The following FNDC3B variants were observed in gnomAD, a reference collection of about 807,000 sequenced individuals.
FNDC3B encodes the protein fibronectin type III domain-containing protein 3B.
FNDC3B carries 12 observed loss-of-function variants against 151.5 expected under a neutral mutation model. The observed-to-expected ratio is 0.08, with a 90% CI of 0.05 to 0.13. The LOEUF (loss-of-function observed/expected upper bound fraction) is 0.13, where lower values mean the gene tolerates loss of function less well. Ranked by LOEUF, FNDC3B falls within the 10% of genes least tolerant of loss-of-function variation. The pLI is 1.00. For missense variants in FNDC3B, 1,214 were observed against 1,505.3 expected, an observed-to-expected ratio of 0.81 and a Z score of 3.20; for synonymous variants, 528 against 549.0, an observed-to-expected ratio of 0.96 and a Z score of 0.54.
chr3:172,068,846 T>C (rs1717635135), intron 1 of FNDC3B, among the ~76,000 whole-genome samples: 1 of 152,228 alleles, frequency 6.6e-6, no homozygotes, highest in Non-Finnish European at 1.5e-5. Flanking sequence ...CATTTCTTCA[T>C]TTAATCCTCA....
At chr3:172,240,162 C>T (rs996225555) in intron 4 of FNDC3B, among the ~76,000 whole-genome samples, 14 of 152,232 alleles carry the variant, frequency 9.2e-5, no homozygotes, top group Middle Eastern at 3.4e-3. Flanking sequence ...TGAGCCACCG[C>T]GCTCAGCCCC....
intron 2 of FNDC3B, among the ~76,000 whole-genome samples, chr3:172,113,178 GA>G (rs1720064666): frequency 6.6e-6 from 1 of 152,148 alleles, no homozygotes; most frequent in African/African-American, 2.4e-5. Context: ...AATTATTAGG[GA>G]TTGAACTATT....
chr3:172,212,381 T>G (rs1005752130), intron 3 of FNDC3B, among the ~76,000 whole-genome samples: 3 of 152,196 alleles, frequency 2.0e-5, no homozygotes, highest in African/African-American at 7.2e-5. Context: ...TTCTATTTAT[T>G]TTTTACCGCG....
rs78811954 is a variant in FNDC3B, at chr3:172,097,140, T to A, written c.-28-15312T>A. Among the ~76,000 whole-genome samples, 949 of 152,280 alleles carry A rather than the reference T, an allele frequency of 6.2e-3. 7 individuals carry two copies. The highest frequency in any genetic ancestry group is 0.022 in the African/African-American group (897 of 41,552). Reference sequence around the variant, plus strand: ...ACAGCGAGTTCTCCACCCAGAAAGTTTGATTTATTTTGGCAGTTGGAAGAG... The same window carrying A: ...ACAGCGAGTTCTCCACCCAGAAAGTATGATTTATTTTGGCAGTTGGAAGAG... On this transcript the variant is annotated intron_variant, in intron 1 of 25. Transcript: ENST00000415807.
At chr3:172,196,819 G>A (rs1045055327) in intron 3 of FNDC3B, among the ~76,000 whole-genome samples, 3 of 152,172 alleles carry the variant, frequency 2.0e-5, no homozygotes, top group Non-Finnish European at 4.4e-5. Context: ...CAGAGTAAGT[G>A]AGTTAATTAA....
At chr3:172,319,451 C>G (rs1308717792) in intron 11 of FNDC3B, among the ~76,000 whole-genome samples, 1 of 152,160 alleles carries the variant, frequency 6.6e-6, no homozygotes, top group East Asian at 1.9e-4. Flanking sequence ...TAGTGATCAT[C>G]CTTGGCTATT....
At chr3:172,088,095 A>C (rs1275054642) in intron 1 of FNDC3B, among the ~76,000 whole-genome samples, 1 of 152,204 alleles carries the variant, frequency 6.6e-6, no homozygotes, top group Non-Finnish European at 1.5e-5. Flanking sequence ...TGACAGCCTA[A>C]AAATGCTTAT....
intron 11 of FNDC3B, among the ~76,000 whole-genome samples, chr3:172,313,609 A>G (rs747497141): frequency 2.6e-5 from 4 of 152,246 alleles, no homozygotes; most frequent in Non-Finnish European, 4.4e-5. Flanking sequence ...TAACTGTGAT[A>G]GCTGTGATAG....
At chr3:172,122,832 G>A (rs1158067334) in intron 2 of FNDC3B, among the ~76,000 whole-genome samples, 2 of 152,222 alleles carry the variant, frequency 1.3e-5, no homozygotes, top group African/African-American at 4.8e-5. Flanking sequence ...GGGCAGTTAA[G>A]TGGAGACAGC....
chr3:172,330,804 A>C, intron 13 of FNDC3B, 89 bp downstream of exon 13: 1 of 1,037,876 alleles, frequency 9.6e-7, no homozygotes, highest in East Asian at 2.6e-5. Flanking sequence ...GATTAACTGC[A>C]TCAGTTCAAA....
intron 3 of FNDC3B, among the ~76,000 whole-genome samples, chr3:172,196,731 T>C (rs1724852350): frequency 6.6e-6 from 1 of 152,196 alleles, no homozygotes; most frequent in African/African-American, 2.4e-5. Flanking sequence ...CAAAGTCTTG[T>C]AATGTTAGGA....
chr3:172,133,409 T>A (rs917318184), intron 2 of FNDC3B, 62 bp from the exon 3 acceptor site: 2 of 1,288,068 alleles, frequency 1.6e-6, no homozygotes, highest in Non-Finnish European at 2.2e-6. Flanking sequence ...ATTTAGGTAA[T>A]AACACTTAAC....
intron 6 of FNDC3B, among the ~76,000 whole-genome samples, chr3:172,267,807 A>G (rs1729001862): frequency 6.6e-6 from 1 of 152,242 alleles, no homozygotes; most frequent in Non-Finnish European, 1.5e-5. Flanking sequence ...TAAATGTTAA[A>G]TAGCCCTCAG....
At chr3:172,216,684 AT>A (rs1426465872) in intron 3 of FNDC3B, among the ~76,000 whole-genome samples, 4 of 152,188 alleles carry the variant, frequency 2.6e-5, no homozygotes, top group African/African-American at 9.7e-5. Context: ...AAATAAATAA[AT>A]AAGTTTAAAT....
At chr3:172,252,853 T>C (rs1432601462) in intron 6 of FNDC3B, among the ~76,000 whole-genome samples, 1 of 152,186 alleles carries the variant, frequency 6.6e-6, no homozygotes, top group Non-Finnish European at 1.5e-5. Context: ...ATCAATATCA[T>C]ACAAAAGAAA....
chr3:172,255,413 C>T lies in FNDC3B; in HGVS notation c.790+3872C>T, dbSNP rs143185776. On this transcript the variant is annotated intron_variant, in intron 6 of 25. Coordinates refer to ENST00000415807, the MANE Select transcript of FNDC3B (RefSeq NM_022763.4). ...CCTCCCGAGTAGCTAGGATTACAGG[C>T]GCACACCACCATGCTTGGCTAACTT... Among the ~76,000 whole-genome samples the T allele has an allele frequency of 8.5e-5, 13 of 152,272 alleles. No individual in the cohort carries two copies. In the South Asian group the frequency reaches 1.7e-3, roughly 19 times the overall value.
chr3:172,331,177 C>G (rs1471831965), intron 13 of FNDC3B, among the ~76,000 whole-genome samples: 1 of 152,120 alleles, frequency 6.6e-6, no homozygotes, highest in Non-Finnish European at 1.5e-5. Flanking sequence ...TTGTAAAATA[C>G]AAATAGATCA....
rs538094048 is a variant in FNDC3B, at chr3:172,378,068, T to C, written c.3009-202T>C. On this transcript the variant is annotated intron_variant, in intron 23 of 25. Coordinates refer to ENST00000415807, the MANE Select transcript of FNDC3B (RefSeq NM_022763.4). ...TCTCATTCCAGTCTTTATATGTGCTTAAGTTTATGTTTTTCTTTTATCAAA... is the reference window on the plus strand; with the variant it reads ...TCTCATTCCAGTCTTTATATGTGCTCAAGTTTATGTTTTTCTTTTATCAAA... 1.7e-3 allele frequency among the ~76,000 whole-genome samples: 258 copies of C among 152,346 alleles called. 1 individual carries two copies. Among genetic ancestry groups the C allele is most frequent in the South Asian group, 0.013 (63 of 4,828 alleles).
chr3:172,351,752 A>G (rs1210135157), intron 21 of FNDC3B, among the ~76,000 whole-genome samples: 2 of 152,256 alleles, frequency 1.3e-5, no homozygotes, highest in African/African-American at 2.4e-5. Flanking sequence ...GAGGGGTATG[A>G]GAGGAAGAAA....
Sources: gnomAD v4.1 joint callset for allele counts (sites outside exome capture counted in the v4.1 genomes callset) on GRCh38, gnomAD v4.1.1 for gene constraint, MANE v1.5 for transcripts, NCBI Gene and HGNC (gene_info 2026-07-23, HGNC 2026-07-21) for gene names.